The following PIP5K1B variants were observed in gnomAD, a reference collection of about 807,000 sequenced individuals.
The protein encoded by PIP5K1B is phosphatidylinositol 4-phosphate 5-kinase type-1 beta.
In PIP5K1B, 42 loss-of-function variants were observed where a neutral mutation model predicts 67.0. That is an observed-to-expected ratio of 0.63 (90% CI 0.49 to 0.81). The LOEUF (loss-of-function observed/expected upper bound fraction) is 0.81, where lower values mean the gene tolerates loss of function less well. PIP5K1B is among the 30% of genes least tolerant of loss of function. The probability of loss-of-function intolerance (pLI) is 0.00; values close to 1 mark genes in which losing one functional copy is unlikely to be tolerated. For synonymous variants in PIP5K1B, 214 were observed against 231.4 expected (o/e 0.92, Z 0.68); for missense variants, 459 against 646.3 (o/e 0.71, Z 3.14).
In PIP5K1B at chr9:68,880,661, G is replaced by C. The variant is rs576942421; in HGVS notation, c.318+3867G>C. ...CAAAATAGAGGGAAAGATAGAGCCA[G>C]GTATGTAAGTGTGCTTTTGTTTGAT... On this transcript the variant is annotated intron_variant, in intron 6 of 15. Coordinates refer to ENST00000265382, the MANE Select transcript of PIP5K1B (RefSeq NM_003558.4). Among the ~76,000 whole-genome samples the C allele has an allele frequency of 1.9e-4, 29 of 151,832 alleles. 1 individual carries two copies. In the South Asian group the frequency reaches 5.0e-3, roughly 26 times the overall value.
chr9:68,782,369 TCTTTAC>T (rs1831339491), intron 2 of PIP5K1B: 2 of 167,180 alleles, frequency 1.2e-5, no homozygotes, highest in Non-Finnish European at 1.5e-5. Context: ...AATGTTCTTT[TCTTTAC>T]CTTTACAATT....
chr9:68,995,968 T>G (rs1206245801), intron 15 of PIP5K1B, among the ~76,000 whole-genome samples: 2 of 152,266 alleles, frequency 1.3e-5, no homozygotes, highest in Admixed American at 6.5e-5. Context: ...CTCTAGTGAC[T>G]TCCTGTACAG....
intron 1 of PIP5K1B, among the ~76,000 whole-genome samples, chr9:68,731,491 T>C (rs1002701916): frequency 6.6e-6 from 1 of 152,198 alleles, no homozygotes; most frequent in East Asian, 1.9e-4. Flanking sequence ...TCACTTTTTA[T>C]GTGCAAAGTA....
intron 14 of PIP5K1B, among the ~76,000 whole-genome samples, chr9:68,942,981 A>G (rs1395113070): frequency 6.6e-6 from 1 of 152,162 alleles, no homozygotes; most frequent in Non-Finnish European, 1.5e-5. Context: ...ATGCCACCAA[A>G]CTGAGCCACC....
intron 1 of PIP5K1B, among the ~76,000 whole-genome samples, chr9:68,723,091 C>T (rs1277011200): frequency 6.6e-6 from 1 of 152,120 alleles, no homozygotes; most frequent in African/African-American, 2.4e-5. Context: ...AACATAATGA[C>T]TTCCGGTTTC....
Position 68,888,892 on chromosome 9 carries a change from G to A in PIP5K1B, c.319-89G>A, listed in dbSNP as rs141711044. 632 of 870,722 alleles carry A rather than the reference G, an allele frequency of 7.3e-4. 3 individuals are homozygous for A. The African/African-American group carries it at 9.8e-3, about 13-fold the overall frequency. 53.9% of individuals were successfully genotyped at this position (870,722 alleles called of 1,614,324 possible). ...TAGAGAGGCTTCTTGTTTCAACATAGCTAAGATGTGCAATGCTATGATTGT... is the reference window on the plus strand; with the variant it reads ...TAGAGAGGCTTCTTGTTTCAACATAACTAAGATGTGCAATGCTATGATTGT... On this transcript the variant is annotated intron_variant, in intron 6 of 15. Transcript: ENST00000265382.
rs35991373 is a variant in PIP5K1B, at chr9:68,830,260, C to T, written c.69+7577C>T. 6.3e-3 allele frequency among the ~76,000 whole-genome samples: 961 copies of T among 152,240 alleles called. 7 individuals are homozygous for T. The highest frequency in any genetic ancestry group is 0.01 in the Non-Finnish European group (705 of 68,010). On this transcript the variant is annotated intron_variant, in intron 4 of 15. Coordinates refer to ENST00000265382, the MANE Select transcript of PIP5K1B (RefSeq NM_003558.4). ...CTTAGAAGCATGTGTAATCATATCA[C>T]GTTACCATGCACCCCCCGCCCTGTC... is the stretch of plus-strand genomic sequence containing the variant.
intron 15 of PIP5K1B, among the ~76,000 whole-genome samples, chr9:69,000,848 C>G (rs1450219462): frequency 6.6e-6 from 1 of 151,788 alleles, no homozygotes; most frequent in East Asian, 1.9e-4. Context: ...AAGGAAAATG[C>G]CGCCGAGGAA....
intron 2 of PIP5K1B, among the ~76,000 whole-genome samples, chr9:68,793,474 G>A (rs140945016): frequency 1.2e-4 from 19 of 152,178 alleles, no homozygotes; most frequent in African/African-American, 4.3e-4. Context: ...TGGAAGAAGT[G>A]GCTAAATTAT....
intron 2 of PIP5K1B, among the ~76,000 whole-genome samples, chr9:68,814,048 G>T (rs138764334): frequency 6.6e-6 from 1 of 152,296 alleles, no homozygotes; most frequent in East Asian, 1.9e-4. Flanking sequence ...CAAAGCCTGG[G>T]CCACCTTGAT....
chr9:68,967,439 A>C (rs1242668144), intron 14 of PIP5K1B, among the ~76,000 whole-genome samples: 1 of 152,216 alleles, frequency 6.6e-6, no homozygotes, highest in East Asian at 1.9e-4. Context: ...TATCAGATAG[A>C]GTTCTCTGCT....
chr9:68,803,424 G>A (rs944886134), intron 2 of PIP5K1B, among the ~76,000 whole-genome samples: 8 of 152,162 alleles, frequency 5.3e-5, no homozygotes, highest in Admixed American at 2.6e-4. Context: ...TGAGGAACAG[G>A]AACATTTAAG....
At chr9:68,841,207 A>C (rs1268592951) in intron 4 of PIP5K1B, among the ~76,000 whole-genome samples, 2 of 152,368 alleles carry the variant, frequency 1.3e-5, no homozygotes, top group Non-Finnish European at 2.9e-5. Flanking sequence ...CCTGGCTTCA[A>C]ATGCAACACG....
At chr9:68,798,125 C>T (rs931597461) in intron 2 of PIP5K1B, among the ~76,000 whole-genome samples, 20 of 151,976 alleles carry the variant, frequency 1.3e-4, no homozygotes, top group African/African-American at 4.6e-4. Context: ...TGTTGGAGCC[C>T]AGATTTGAAT....
At chr9:68,991,086 C>G (rs1403305311) in intron 14 of PIP5K1B, 54 bp from the exon 15 acceptor site, 1 of 1,012,666 alleles carries the variant, frequency 9.9e-7, no homozygotes, top group East Asian at 2.4e-5. Context: ...TTGGAGGTGT[C>G]TTTAGATTTT....
chr9:68,923,253 G>C (rs1186340267), intron 11 of PIP5K1B, 49 bp from the exon 12 acceptor site: 10 of 992,506 alleles, frequency 1.0e-5, no homozygotes, highest in Non-Finnish European at 1.4e-5. Context: ...TCTGACTTGA[G>C]ATGAACATTA....
chr9:68,827,882 C>G (rs955674054), intron 4 of PIP5K1B, among the ~76,000 whole-genome samples: 1 of 152,120 alleles, frequency 6.6e-6, no homozygotes, highest in Non-Finnish European at 1.5e-5. Context: ...AGGATGGTCT[C>G]AATGCAAGTC....
At chr9:68,786,518 C>G (rs1023803517) in intron 2 of PIP5K1B, among the ~76,000 whole-genome samples, 1 of 151,718 alleles carries the variant, frequency 6.6e-6, no homozygotes, top group Non-Finnish European at 1.5e-5. Context: ...CATTTCCCAG[C>G]TAACTTTAGC....
chr9:68,809,176 T>C (rs1587484875), intron 2 of PIP5K1B, among the ~76,000 whole-genome samples: 1 of 152,234 alleles, frequency 6.6e-6, no homozygotes, highest in Non-Finnish European at 1.5e-5. Flanking sequence ...GCATTTCTGC[T>C]TTGGAAACTA....
Sources: gnomAD v4.1 joint callset for allele counts (sites outside exome capture counted in the v4.1 genomes callset) on GRCh38, gnomAD v4.1.1 for gene constraint, MANE v1.5 for transcripts, NCBI Gene and HGNC (gene_info 2026-07-23, HGNC 2026-07-21) for gene names.